GFI1: variants seen among roughly 807,000 people sequenced by gnomAD.
GFI1 encodes growth factor independent 1 transcriptional repressor.
In GFI1, 15 loss-of-function variants were observed where a neutral mutation model predicts 39.2. The observed-to-expected ratio is 0.38, with a 90% CI of 0.26 to 0.59. The LOEUF is 0.59. Ranked by LOEUF, GFI1 falls within the 20% of genes least tolerant of loss-of-function variation. The pLI, the probability that GFI1 is intolerant of heterozygous loss-of-function variation, is 0.62. For missense variants in GFI1, 475 were observed against 574.0 expected (o/e 0.83, Z 1.76); for synonymous variants, 239 against 254.3 (o/e 0.94, Z 0.57).
At chr1:92,478,478 A>T in intron 6 of GFI1, 110 bp downstream of exon 6, 1 of 912,394 alleles carries the variant, frequency 1.1e-6, no homozygotes, top group Non-Finnish European at 1.8e-6. Context: ...AGCAGAGAAT[A>T]ACTCCATCAG....
At chr1:92,477,696 C>T (rs1409502964) in intron 6 of GFI1, among the ~76,000 whole-genome samples, 2 of 152,178 alleles carry the variant, frequency 1.3e-5, no homozygotes, top group Admixed American at 1.3e-4. Flanking sequence ...ATGGTAAGAG[C>T]AGCTCCTTCT....
rs769364541 is a variant in GFI1 at position 92,480,731 on chromosome 1, C to G, written c.656G>C (p.Gly219Ala). Residue 219 changes from glycine (G) to alanine (A), a missense_variant, in exon 4 of 7, where the codon GGC (glycine) becomes GCC (alanine). Gly to Ala is a moderately conservative substitution (Grantham distance 60). Around this residue, in one of 4 missense-constraint regions of GFI1, gnomAD observed 79 missense variants for 68.4 expected, o/e 1.15. Transcript: ENST00000294702. This position sits in a 1 kb window ranked among gnomAD's most constrained non-coding sequence, Gnocchi z 5.6. ...GLYERPTAAA[G>A]LLYPERGHGL... ...GTGGCCACGCTCGGGGTACAGCAAGCCCGCCGCTGCCGTGGGCCTCTCATA... is the reference window on the plus strand; with the variant it reads ...GTGGCCACGCTCGGGGTACAGCAAGGCCGCCGCTGCCGTGGGCCTCTCATA... 6.3e-7 allele frequency: 1 copy of G among 1,598,358 alleles called. No homozygotes were observed. Among genetic ancestry groups the G allele is most frequent in the Non-Finnish European group, 8.5e-7 (1 of 1,178,210 alleles).
rs1658149198 is a variant in GFI1 at position 92,480,083 on chromosome 1, C to T, written c.924+265G>A. ...TCAGTGCATACAAACCTACCTCAAG[C>T]CCAAAGTAACAATGAGGATCACACT... is the stretch of plus-strand genomic sequence containing the variant. On this transcript the variant is annotated intron_variant, in intron 5 of 6. Coordinates refer to ENST00000294702, the MANE Select transcript of GFI1 (RefSeq NM_005263.5). This position sits in a 1 kb window ranked among gnomAD's most constrained non-coding sequence, Gnocchi z 5.6. 6.6e-6 allele frequency among the ~76,000 whole-genome samples: 1 copy of T among 152,202 alleles called. No homozygotes were observed. The highest frequency in any genetic ancestry group is 1.5e-5 in the Non-Finnish European group (1 of 68,040).
chr1:92,473,365 G>T lies in GFI1; in HGVS notation c.*2664C>A, dbSNP rs1657815259. 6.6e-6 allele frequency among the ~76,000 whole-genome samples: 1 copy of T among 152,072 alleles called. No homozygotes were observed. Among genetic ancestry groups the T allele is most frequent in the South Asian group, 2.1e-4 (1 of 4,808 alleles). ...GCAACTTCTTTACTTTTCAAACCAGGTTGGAAATAACCAACCAGTACACAG... is the reference window on the plus strand; with the variant it reads ...GCAACTTCTTTACTTTTCAAACCAGTTTGGAAATAACCAACCAGTACACAG... On this transcript the variant is annotated 3_prime_UTR_variant, in exon 7 of 7. Transcript: ENST00000294702.
Position 92,484,709 on chromosome 1 carries a change from G to T in GFI1, c.-99-1123C>A, listed in dbSNP as rs1042232510. On this transcript the variant is annotated intron_variant, in intron 1 of 6. Coordinates refer to ENST00000294702, the MANE Select transcript of GFI1 (RefSeq NM_005263.5). This position sits in a 1 kb window ranked among gnomAD's most constrained non-coding sequence, Gnocchi z 4.1. ...GAGCGCAGCGGGAGGGCGTGGCTGCGCCTGCCGCTAGGCTCCAGCCGGCTC... is the reference window on the plus strand; with the variant it reads ...GAGCGCAGCGGGAGGGCGTGGCTGCTCCTGCCGCTAGGCTCCAGCCGGCTC... The T allele has an allele frequency of 6.6e-6, 1 of 152,390 alleles. No homozygotes were observed. Among genetic ancestry groups the T allele is most frequent in the African/African-American group, 2.4e-5 (1 of 41,460 alleles). 9.4% of individuals were successfully genotyped at this position (152,390 alleles called of 1,614,324 possible).
chr1:92,481,065 A>T lies in GFI1; in HGVS notation c.322T>A (p.Ser108Thr). ...GGGAAGGGCTGGGCTTCGTCCAGCGATGGGCACATTGACTTCTCCGAGGCT... is the reference window on the plus strand; with the variant it reads ...GGGAAGGGCTGGGCTTCGTCCAGCGTTGGGCACATTGACTTCTCCGAGGCT... ...SPASEKSMCP[S>T]LDEAQPFPLP... The change falls in exon 4 of 7, where the codon TCG (serine) becomes ACG (threonine). Residue 108 changes from serine (S) to threonine (T), a missense_variant. Around this residue, in one of 4 missense-constraint regions of GFI1, gnomAD observed 275 missense variants for 275.8 expected, o/e 1.00. Transcript: ENST00000294702. The surrounding 1 kb of genome is among the most constrained non-coding windows in gnomAD (Gnocchi z 4.3). The T allele has an allele frequency of 6.2e-7, 1 of 1,611,586 alleles. No individual in the cohort carries two copies. The highest frequency in any genetic ancestry group is 8.5e-7 in the Non-Finnish European group (1 of 1,178,840).
At position 92,480,805 on chromosome 1, in the gene GFI1, G is replaced by A; in HGVS notation, c.582C>T (p.Gly194=). ...SCSAGAGATA[G]PGLGLYGDFG... ...AGTCGCCGTAGAGCCCTAGGCCAGG[G>A]CCAGCGGTGGCACCGGCCCCTGCGC... Residue 194 remains glycine (G), a synonymous_variant, in exon 4 of 7, where the codon GGC becomes GGT. Transcript: ENST00000294702. This position sits in a 1 kb window ranked among gnomAD's most constrained non-coding sequence, Gnocchi z 5.6. The A allele has an allele frequency of 6.3e-7, 1 of 1,585,458 alleles. No individual in the cohort carries two copies. The highest frequency in any genetic ancestry group is 2.3e-5 in the East Asian group (1 of 43,762).
intron 6 of GFI1, among the ~76,000 whole-genome samples, chr1:92,476,776 CTCTT>C (rs943797820): frequency 5.9e-5 from 9 of 151,916 alleles, no homozygotes; most frequent in Admixed American, 1.3e-4. Flanking sequence ...CTCTCTCTCT[CTCTT>C]TCTTTCTAAG....
chr1:92,483,183 G>T (rs1658362041), intron 2 of GFI1, 137 bp from the exon 3 acceptor site: 2 of 855,798 alleles, frequency 2.3e-6, no homozygotes, highest in Admixed American at 2.6e-5. Context: ...GAACCCTCTC[G>T]GATCCGAGGG....
intron 6 of GFI1, 132 bp downstream of exon 6, chr1:92,478,456 T>A: frequency 1.3e-6 from 1 of 789,704 alleles, no homozygotes; most frequent in Non-Finnish European, 2.2e-6. Context: ...CCCTTTGTTT[T>A]CTTTAACACA....
chr1:92,483,063 G>A lies in GFI1; in HGVS notation c.116-17C>T, dbSNP rs987775961. The A allele has an allele frequency of 1.3e-6, 2 of 1,567,952 alleles. No homozygotes were observed. Among genetic ancestry groups the A allele is most frequent in the Admixed American group, 1.7e-5 (1 of 57,716 alleles). On this transcript the variant is annotated splice_polypyrimidine_tract_variant and intron_variant, in intron 2 of 6. Coordinates refer to ENST00000294702, the MANE Select transcript of GFI1 (RefSeq NM_005263.5). ...AAGTGCTGTCTGCAAAGAGGAGGCA[G>A]GTGAGGGGCTCAGGCTGGGACCGGT...
rs1417691766 is a variant in GFI1 at position 92,475,726 on chromosome 1, G to C, written c.*303C>G. On this transcript the variant is annotated 3_prime_UTR_variant, in exon 7 of 7. Coordinates refer to ENST00000294702, the MANE Select transcript of GFI1 (RefSeq NM_005263.5). ...AAATGGGAAGGACTGTGGGGTCTAA[G>C]ATTTATTCTGGTCCCCATTTGACTT... The C allele has an allele frequency of 9.1e-6, 4 of 437,344 alleles. No homozygotes were observed. Among genetic ancestry groups the C allele is most frequent in the Non-Finnish European group, 1.7e-5 (4 of 233,974 alleles). 27.1% of individuals were successfully genotyped at this position (437,344 alleles called of 1,614,324 possible). A position where few individuals can be genotyped will look rare whatever the true frequency, so the allele number is the denominator to read the frequency against.
At chr1:92,478,073 T>C (rs548225291) in intron 6 of GFI1, among the ~76,000 whole-genome samples, 56 of 152,300 alleles carry the variant, frequency 3.7e-4, no homozygotes, top group African/African-American at 1.2e-3. Flanking sequence ...AATGAAATAA[T>C]GCATTTAAAA....
chr1:92,481,922 A>T lies in GFI1; in HGVS notation c.299-834T>A, dbSNP rs1209291287. 6.8e-6 allele frequency among the ~76,000 whole-genome samples: 1 copy of T among 146,076 alleles called. No homozygotes were observed. The highest frequency in any genetic ancestry group is 1.5e-5 in the Non-Finnish European group (1 of 66,736). On this transcript the variant is annotated intron_variant, in intron 3 of 6. Transcript: ENST00000294702. The surrounding 1 kb of genome is among the most constrained non-coding windows in gnomAD (Gnocchi z 4.3). ...GTGACCCCAACGCATGTGAGTGCAT[A>T]CGGCATTTACAAATGTGTGTGTGTG...
chr1:92,486,245 G>A (rs1332459049), intron 1 of GFI1, among the ~76,000 whole-genome samples: 1 of 152,188 alleles, frequency 6.6e-6, no homozygotes, highest in Non-Finnish European at 1.5e-5. Flanking sequence ...TGCGCAAGTG[G>A]CCAGGCGGTG....
In GFI1 at chr1:92,480,099, G is replaced by C. The variant is rs1368309868; in HGVS notation, c.924+249C>G. Among the ~76,000 whole-genome samples, 1 of 152,226 alleles carries C rather than the reference G, an allele frequency of 6.6e-6. No homozygotes were observed. Among genetic ancestry groups the C allele is most frequent in the Non-Finnish European group, 1.5e-5 (1 of 68,042 alleles). On this transcript the variant is annotated intron_variant, in intron 5 of 6. Coordinates refer to ENST00000294702, the MANE Select transcript of GFI1 (RefSeq NM_005263.5). The surrounding 1 kb of genome is among the most constrained non-coding windows in gnomAD (Gnocchi z 5.6). ...TACCTCAAGCCCAAAGTAACAATGAGGATCACACTCTCGAGGCTCACAGTG... is the reference window on the plus strand; with the variant it reads ...TACCTCAAGCCCAAAGTAACAATGACGATCACACTCTCGAGGCTCACAGTG...
rs1657923036 is a variant in GFI1 at position 92,475,649 on chromosome 1, A to AG, written c.*379dup. 1 of 294,906 alleles carries AG rather than the reference A, an allele frequency of 3.4e-6. No individual in the cohort carries two copies. The allele number at this position is 294,906 out of a possible 1,614,324, so 18.3% of individuals were successfully genotyped here. A position where few individuals can be genotyped will look rare whatever the true frequency, so the allele number is the denominator to read the frequency against. Reference sequence around the variant, plus strand: ...ACACAAATATCTGGGGTAGGTCAAGAGGGGGGAGGGAAGAAACCTGAAGGG... The same window carrying AG: ...ACACAAATATCTGGGGTAGGTCAAGAGGGGGGGAGGGAAGAAACCTGAAGGG... On this transcript the variant is annotated 3_prime_UTR_variant, in exon 7 of 7. Coordinates refer to ENST00000294702, the MANE Select transcript of GFI1 (RefSeq NM_005263.5).
intron 1 of GFI1, among the ~76,000 whole-genome samples, chr1:92,485,417 C>T (rs1658481617): frequency 6.6e-6 from 1 of 152,236 alleles, no homozygotes; most frequent in Admixed American, 6.5e-5. Context: ...GGCGGGGTAA[C>T]TGTCAGCGCC....
Position 92,484,141 on chromosome 1 carries a change from A to C in GFI1, c.-99-555T>G, listed in dbSNP as rs1658422816. Among the ~76,000 whole-genome samples, 2 of 151,114 alleles carry C rather than the reference A, an allele frequency of 1.3e-5. No homozygotes were observed. Among genetic ancestry groups the C allele is most frequent in the Non-Finnish European group, 1.5e-5 (1 of 67,708 alleles). The stretch of plus-strand genomic sequence containing the variant: ...AGGGGGGAACAGAACACAAGATAAA[A>C]CTGTGGGGCGGCGGGAGGACAGCAG... On this transcript the variant is annotated intron_variant, in intron 1 of 6. Coordinates refer to ENST00000294702, the MANE Select transcript of GFI1 (RefSeq NM_005263.5). The surrounding 1 kb of genome is among the most constrained non-coding windows in gnomAD (Gnocchi z 4.1).
Sources: gnomAD v4.1 joint callset for allele counts (sites outside exome capture counted in the v4.1 genomes callset) on GRCh38, gnomAD v4.1.1 for gene constraint, gnomAD v4.1.1 regional missense constraint, Gnocchi (gnomAD v3.1) non-coding constraint, MANE v1.5 for transcripts, NCBI Gene and HGNC (gene_info 2026-07-23, HGNC 2026-07-21) for gene names.